Variants in PAFAH1B1 observed in about 807,000 individuals in gnomAD.
PAFAH1B1 encodes the protein platelet activating factor acetylhydrolase 1b regulatory subunit 1.
PAFAH1B1 carries 2 observed loss-of-function variants against 57.5 expected under a neutral mutation model. The ratio of observed to expected loss-of-function variants is 0.03; its 90% CI spans 0.01 to 0.11. PAFAH1B1 has a LOEUF of 0.11. Ranked by LOEUF, PAFAH1B1 falls within the 10% of genes least tolerant of loss-of-function variation. The probability of loss-of-function intolerance (pLI) is 1.00; values close to 1 mark genes in which losing one functional copy is unlikely to be tolerated. For synonymous variants in PAFAH1B1, 152 were observed against 169.6 expected, an observed-to-expected ratio of 0.90 and a Z score of 0.81; for missense variants, 257 against 512.0, an observed-to-expected ratio of 0.50 and a Z score of 4.81.
In PAFAH1B1 at chr17:2,666,016, A is replaced by AACT. The variant is rs1325844564; in HGVS notation, c.119_120insCTA (p.Asn40_Glu41insTyr). 6.7e-7 allele frequency: 1 copy of AACT among 1,498,024 alleles called. No individual in the cohort carries two copies. The highest frequency in any genetic ancestry group is 9.1e-7 in the Non-Finnish European group (1 of 1,097,532). The allele number at this position is 1,498,024 out of a possible 1,614,324, so 92.8% of individuals were successfully genotyped here. On this transcript the variant is annotated inframe_insertion and splice_region_variant, in exon 4 of 11. Transcript: ENST00000397195. ...AAAATTCTAAATTTATTTTCTCTAG[A>AACT]ATGAAGAATTAGATAAAAAGTATGC...
chr17:2,659,685 A>C (rs2151653214), intron 2 of PAFAH1B1, among the ~76,000 whole-genome samples: 1 of 151,818 alleles, frequency 6.6e-6, no homozygotes, highest in East Asian at 1.9e-4. Context: ...ATTAAAAAAA[A>C]AATTAGCTGG....
At chr17:2,669,386 C>T (rs564191648) in intron 5 of PAFAH1B1, among the ~76,000 whole-genome samples, 8 of 151,772 alleles carry the variant, frequency 5.3e-5, no homozygotes, top group African/African-American at 4.8e-5. Context: ...CTCAGCCTCC[C>T]GAGTAGCCGG....
intron 2 of PAFAH1B1, chr17:2,659,391 G>A (rs1281845260): frequency 3.9e-6 from 1 of 256,768 alleles, no homozygotes; most frequent in Non-Finnish European, 7.9e-6. Flanking sequence ...GCAAAAATTA[G>A]CTGGGCATGG....
At chr17:2,680,806 A>T in intron 10 of PAFAH1B1, 1 of 208,494 alleles carries the variant, frequency 4.8e-6, no homozygotes, top group Admixed American at 5.4e-5. Context: ...AGTATAATGG[A>T]CCAAAGCCTG....
At chr17:2,615,948 G>A (rs1322471143) in intron 1 of PAFAH1B1, among the ~76,000 whole-genome samples, 1 of 152,130 alleles carries the variant, frequency 6.6e-6, no homozygotes, top group Non-Finnish European at 1.5e-5. Flanking sequence ...AGTAAAGAGA[G>A]GAAAGATGAG....
intron 1 of PAFAH1B1, among the ~76,000 whole-genome samples, chr17:2,621,604 T>G (rs2068421715): frequency 1.1e-5 from 1 of 89,248 alleles, no homozygotes; most frequent in South Asian, 3.2e-4. Context: ...GTAGATAATC[T>G]GTCTTTTTTT....
intron 2 of PAFAH1B1, among the ~76,000 whole-genome samples, chr17:2,654,469 T>C (rs150215327): frequency 2.3e-4 from 35 of 151,896 alleles, no homozygotes; most frequent in African/African-American, 8.0e-4. Flanking sequence ...GCCACTCCAC[T>C]CGGTCTGTCT....
chr17:2,601,772 T>C (rs1245957848), intron 1 of PAFAH1B1, among the ~76,000 whole-genome samples: 1 of 151,760 alleles, frequency 6.6e-6, no homozygotes, highest in Admixed American at 6.6e-5. Context: ...AGAGGTGAGG[T>C]CTTGCCATGT....
At chr17:2,675,389 A>G (rs1002128234) in intron 8 of PAFAH1B1, among the ~76,000 whole-genome samples, 16 of 151,990 alleles carry the variant, frequency 1.1e-4, no homozygotes, top group African/African-American at 3.9e-4. Context: ...CTCTCCCTCT[A>G]CCCCCATCCC....
intron 2 of PAFAH1B1, among the ~76,000 whole-genome samples, chr17:2,649,331 G>C (rs2068817277): frequency 6.6e-6 from 1 of 152,024 alleles, no homozygotes; most frequent in Admixed American, 6.6e-5. Context: ...CCAGCATTTT[G>C]GAAGGCCGAG....
At chr17:2,628,641 T>C (rs1397182840) in intron 1 of PAFAH1B1, among the ~76,000 whole-genome samples, 2 of 152,258 alleles carry the variant, frequency 1.3e-5, no homozygotes, top group East Asian at 3.9e-4. Context: ...CTCTGTCTTG[T>C]GGAATATTAT....
At chr17:2,594,069 G>C (rs1482995148) in intron 1 of PAFAH1B1, 63 bp downstream of exon 1, 2 of 397,780 alleles carry the variant, frequency 5.0e-6, no homozygotes, top group African/African-American at 4.1e-5. Flanking sequence ...GCGGCTGCAG[G>C]CCGGACCCGG....
chr17:2,594,018 C>A lies in PAFAH1B1; in HGVS notation c.-191+12C>A, dbSNP rs2151603856. ...GGTGCAGCGCTCCGGTAAGGCGGCG[C>A]GGGTCTGCGCCCTCCCCTCTGTCTC... On this transcript the variant is annotated intron_variant, in intron 1 of 10. Coordinates refer to ENST00000397195, the MANE Select transcript of PAFAH1B1 (RefSeq NM_000430.4). 3 of 397,936 alleles carry A rather than the reference C, an allele frequency of 7.5e-6. No homozygotes were observed. The Admixed American group carries it at 1.3e-4, about 18-fold the overall frequency. The allele number at this position is 397,936 out of a possible 1,614,324, so 24.7% of individuals were successfully genotyped here.
chr17:2,635,022 G>A (rs1338849439), intron 1 of PAFAH1B1, among the ~76,000 whole-genome samples: 1 of 152,066 alleles, frequency 6.6e-6, no homozygotes. Flanking sequence ...AAGTAGCCAG[G>A]CATGGTCGTG....
chr17:2,678,237 G>A (rs7224765), intron 9 of PAFAH1B1, among the ~76,000 whole-genome samples: 130,011 of 151,886 alleles, frequency 0.86, 56,483 homozygotes, highest in East Asian at 0.93. Context: ...CCCCATCGCT[G>A]CTAAAAACAC....
intron 1 of PAFAH1B1, among the ~76,000 whole-genome samples, chr17:2,630,581 T>G (rs1197159669): frequency 2.6e-5 from 4 of 152,194 alleles, no homozygotes; most frequent in Non-Finnish European, 4.4e-5. Context: ...CTGATGACAG[T>G]GTGCCTAGTG....
intron 1 of PAFAH1B1, among the ~76,000 whole-genome samples, chr17:2,594,638 C>T (rs1597503218): frequency 6.6e-6 from 1 of 152,350 alleles, no homozygotes; most frequent in African/African-American, 2.4e-5. Flanking sequence ...TCAGCACCCG[C>T]CGAGGAGAGG....
intron 1 of PAFAH1B1, among the ~76,000 whole-genome samples, chr17:2,597,220 T>G (rs2068092767): frequency 1.3e-5 from 2 of 152,092 alleles, no homozygotes; most frequent in Non-Finnish European, 1.5e-5. Flanking sequence ...TGGAGATTAA[T>G]TTTTAAAATT....
intron 2 of PAFAH1B1, chr17:2,640,117 G>A (rs912964530): frequency 1.3e-5 from 2 of 152,082 alleles, no homozygotes; most frequent in African/African-American, 2.4e-5. Context: ...AGAGTAAGTT[G>A]CATATATCAA....
Sources: allele counts gnomAD v4.1 joint callset (sites outside exome capture counted in the v4.1 genomes callset), GRCh38; gene constraint gnomAD v4.1.1; transcripts MANE v1.5; gene names NCBI Gene and HGNC (gene_info 2026-07-23, HGNC 2026-07-21).